Variants in NUDCD1 observed in about 807,000 individuals in gnomAD.
NUDCD1 encodes the protein nudC domain-containing protein 1.
Under a neutral mutation model 67.8 loss-of-function variants are expected in NUDCD1, and 60 were observed. The observed-to-expected ratio is 0.88, with a 90% CI of 0.72 to 1.10. The LOEUF (loss-of-function observed/expected upper bound fraction) is 1.10, where lower values mean the gene tolerates loss of function less well. Among genes scored for constraint, NUDCD1 ranks in the 50% least tolerant of loss-of-function variants. The pLI is 0.00. For synonymous variants in NUDCD1, 244 were observed against 230.8 expected (o/e 1.06, Z -0.52); for missense variants, 643 against 695.0 (o/e 0.93, Z 0.84).
chr8:109,330,990 CACGTTTA>C (rs980269985), intron 1 of NUDCD1, among the ~76,000 whole-genome samples: 6 of 151,916 alleles, frequency 3.9e-5, no homozygotes, highest in African/African-American at 1.5e-4. Flanking sequence ...CACCATGGCA[CACGTTTA>C]CCTATGTACC....
At chr8:109,328,970 A>T (rs147137066) in intron 1 of NUDCD1, among the ~76,000 whole-genome samples, 72 of 152,320 alleles carry the variant, frequency 4.7e-4, no homozygotes, top group African/African-American at 1.5e-3. Context: ...ACAGAACAAG[A>T]TGTAAAAACA....
Position 109,245,242 on chromosome 8 carries a change from GA to G in NUDCD1, c.1459+79del, listed in dbSNP as rs1444046727. 113 of 1,385,694 alleles carry G rather than the reference GA, an allele frequency of 8.2e-5. 1 individual carries two copies. Among genetic ancestry groups the G allele is most frequent in the Middle Eastern group, 5.7e-4 (3 of 5,294 alleles). The allele number at this position is 1,385,694 out of a possible 1,614,324, so 85.8% of individuals were successfully genotyped here. A position where few individuals can be genotyped will look rare whatever the true frequency, so the allele number is the denominator to read the frequency against. On this transcript the variant is annotated intron_variant, in intron 9 of 9. Transcript: ENST00000239690. ...TAATCAGGACAGCTCAAATTAAAAA[GA>G]AAAAAAAGAAATGAACTTTAAATGA...
Position 109,290,744 on chromosome 8 carries a change from T to G in NUDCD1, c.641-811A>C, listed in dbSNP as rs952982040. Among the ~76,000 whole-genome samples the G allele has an allele frequency of 5.3e-5, 8 of 152,198 alleles. No homozygotes were observed. The East Asian group carries it at 1.5e-3, about 29-fold the overall frequency. ...TACTCAAACATTTTAGCTGACTCCA[T>G]ACTTTTACCTATACTGTTACTCTTT... On this transcript the variant is annotated intron_variant, in intron 4 of 9. Transcript: ENST00000239690.
chr8:109,313,001 A>T (rs1442357133), intron 2 of NUDCD1, among the ~76,000 whole-genome samples: 1 of 152,200 alleles, frequency 6.6e-6, no homozygotes, highest in African/African-American at 2.4e-5. Flanking sequence ...TCTAGGTAAG[A>T]CTTATTAAGA....
intron 2 of NUDCD1, among the ~76,000 whole-genome samples, chr8:109,307,981 C>G (rs970561819): frequency 1.3e-5 from 2 of 152,088 alleles, no homozygotes; most frequent in African/African-American, 4.8e-5. Context: ...AAAACAATTA[C>G]TAATAGATCT....
chr8:109,287,561 C>T lies in NUDCD1; in HGVS notation c.823+2190G>A, dbSNP rs557181006. On this transcript the variant is annotated intron_variant, in intron 5 of 9. Transcript: ENST00000239690. ...GAACAGAAAACCAAATACCACATGA[C>T]CTCACTTATAAGTGTGAGCTAAACA... Among the ~76,000 whole-genome samples, 14 of 152,194 alleles carry T rather than the reference C, an allele frequency of 9.2e-5. No homozygotes were observed. In the South Asian group the frequency reaches 2.7e-3, roughly 29 times the overall value.
intron 8 of NUDCD1, among the ~76,000 whole-genome samples, chr8:109,247,845 A>G (rs1813534093): frequency 6.6e-6 from 1 of 152,156 alleles, no homozygotes; most frequent in Non-Finnish European, 1.5e-5. Context: ...ATTATATTAG[A>G]TTATTAATAT....
intron 1 of NUDCD1, among the ~76,000 whole-genome samples, chr8:109,330,674 T>G (rs1384464614): frequency 6.6e-6 from 1 of 152,160 alleles, no homozygotes; most frequent in African/African-American, 2.4e-5. Flanking sequence ...ACTTAAAATG[T>G]GGTACACATA....
intron 6 of NUDCD1, among the ~76,000 whole-genome samples, chr8:109,277,341 A>G (rs1053322851): frequency 6.6e-6 from 1 of 152,184 alleles, no homozygotes. Flanking sequence ...AGAGGTCTGA[A>G]AGAGTTGATA....
In NUDCD1 at chr8:109,241,898, T is replaced by C. The variant is rs1813374775; in HGVS notation, c.*1111A>G. 1.0e-5 allele frequency: 4 copies of C among 392,788 alleles called. No homozygotes were observed. The East Asian group carries it at 1.4e-4, about 14-fold the overall frequency. The allele number at this position is 392,788 out of a possible 1,614,324, so 24.3% of individuals were successfully genotyped here. A position where few individuals can be genotyped will look rare whatever the true frequency, so the allele number is the denominator to read the frequency against. Reference sequence around the variant, plus strand: ...ATATAAGATACATATCTTGAAATGGTATAAAAAGTAATAAAAATTTCCAGG... The same window carrying C: ...ATATAAGATACATATCTTGAAATGGCATAAAAAGTAATAAAAATTTCCAGG... On this transcript the variant is annotated 3_prime_UTR_variant, in exon 10 of 10. Coordinates refer to ENST00000239690, the MANE Select transcript of NUDCD1 (RefSeq NM_032869.4).
rs749551127 is a variant in NUDCD1 at position 109,322,476 on chromosome 8, A to G, written c.119-13T>C. On this transcript the variant is annotated splice_polypyrimidine_tract_variant and intron_variant, in intron 1 of 9. Coordinates refer to ENST00000239690, the MANE Select transcript of NUDCD1 (RefSeq NM_032869.4). ...ACCTCTGCCACAGCTGAAATACAAGAAAAGCAAACATAAACATCAAGAGTT... is the reference window on the plus strand; with the variant it reads ...ACCTCTGCCACAGCTGAAATACAAGGAAAGCAAACATAAACATCAAGAGTT... 5.1e-6 allele frequency: 8 copies of G among 1,575,584 alleles called. No individual in the cohort carries two copies. In the Admixed American group the frequency reaches 1.2e-4, roughly 24 times the overall value.
intron 3 of NUDCD1, among the ~76,000 whole-genome samples, chr8:109,295,852 C>T (rs1405868134): frequency 6.6e-6 from 1 of 152,026 alleles, no homozygotes; most frequent in Non-Finnish European, 1.5e-5. Context: ...TTATTTATTA[C>T]TATTAAAACC....
intron 8 of NUDCD1, among the ~76,000 whole-genome samples, chr8:109,268,359 C>T (rs1004346934): frequency 4.6e-5 from 7 of 152,114 alleles, no homozygotes; most frequent in African/African-American, 1.7e-4. Context: ...TGTAACATTG[C>T]CTGTGACTAT....
At position 109,298,114 on chromosome 8, in the gene NUDCD1, TAATA is replaced by T. The variant is rs577811944; in HGVS notation, c.274-1549_274-1546del. 6.5e-4 allele frequency among the ~76,000 whole-genome samples: 99 copies of T among 152,232 alleles called. 1 individual carries two copies. The South Asian group carries it at 6.6e-3, about 10-fold the overall frequency. On this transcript the variant is annotated intron_variant, in intron 2 of 9. Coordinates refer to ENST00000239690, the MANE Select transcript of NUDCD1 (RefSeq NM_032869.4). ...CTGCTTTATATAATATTAAATTAAA[TAATA>T]AATACTCAATGGCAAGCAGAGCTCA...
rs1395888851 is a variant in NUDCD1, at chr8:109,296,472, G to A, written c.371C>T (p.Ser124Phe). 1 of 1,613,450 alleles carries A rather than the reference G, an allele frequency of 6.2e-7. No homozygotes were observed. The highest frequency in any genetic ancestry group is 2.2e-5 in the East Asian group (1 of 44,866). The part of the protein sequence containing the change: ...RLCASIHFSS[S>F]TWVTLSDGTG... Reference sequence around the variant, plus strand: ...TCCATCTGACAAGGTAACCCAGGTAGAAGATGAGAAATGGATAGATGCACA... The same window carrying A: ...TCCATCTGACAAGGTAACCCAGGTAAAAGATGAGAAATGGATAGATGCACA... Residue 124 changes from serine to phenylalanine, a missense_variant, in exon 3 of 10, where the codon TCT (serine) becomes TTT (phenylalanine). By Grantham distance (155) the Ser-to-Phe change is radical. Transcript: ENST00000239690.
At chr8:109,270,782 C>T (rs1358735268) in intron 8 of NUDCD1, among the ~76,000 whole-genome samples, 1 of 151,734 alleles carries the variant, frequency 6.6e-6, no homozygotes, top group African/African-American at 2.4e-5. Flanking sequence ...AAAAAGCTGT[C>T]CAGAAAAGCA....
At chr8:109,312,078 G>C (rs949109704) in intron 2 of NUDCD1, among the ~76,000 whole-genome samples, 3 of 152,084 alleles carry the variant, frequency 2.0e-5, no homozygotes, top group Non-Finnish European at 4.4e-5. Context: ...CAAGGCAGGC[G>C]AATCACCTGA....
At chr8:109,326,384 A>T (rs1329036186) in intron 1 of NUDCD1, among the ~76,000 whole-genome samples, 1 of 152,228 alleles carries the variant, frequency 6.6e-6, no homozygotes, top group Non-Finnish European at 1.5e-5. Flanking sequence ...TATCTTGATT[A>T]TAAAAGTGGG....
At chr8:109,260,575 A>G (rs1813843444) in intron 8 of NUDCD1, among the ~76,000 whole-genome samples, 1 of 152,218 alleles carries the variant, frequency 6.6e-6, no homozygotes. Context: ...AAGCATACAG[A>G]AATCAAATGC....
Sources: gnomAD v4.1 joint callset for allele counts (sites outside exome capture counted in the v4.1 genomes callset) on GRCh38, gnomAD v4.1.1 for gene constraint, MANE v1.5 for transcripts, NCBI Gene and HGNC (gene_info 2026-07-23, HGNC 2026-07-21) for gene names.